Variants in CHRNA9 observed in about 807,000 individuals in gnomAD.
CHRNA9 encodes neuronal acetylcholine receptor subunit alpha-9.
CHRNA9 carries 24 observed loss-of-function variants against 36.8 expected under a neutral mutation model. That is an observed-to-expected ratio of 0.65 (90% CI 0.47 to 0.92). CHRNA9 has a LOEUF of 0.92. Ranked by LOEUF, CHRNA9 falls within the 40% of genes least tolerant of loss-of-function variation. CHRNA9 has a pLI of 0.00. For synonymous variants in CHRNA9, 231 were observed against 231.8 expected (o/e 1.00, Z 0.03); for missense variants, 610 against 601.2 (o/e 1.01, Z -0.15).
intron 4 of CHRNA9, chr4:40,349,697 A>G (rs775895395): frequency 3.5e-5 from 12 of 340,302 alleles, no homozygotes; most frequent in Admixed American, 2.1e-4. Context: ...GATGCACAGC[A>G]TCGGCATCCC....
chr4:40,341,504 G>T (rs930951951), intron 3 of CHRNA9, among the ~76,000 whole-genome samples: 4 of 152,070 alleles, frequency 2.6e-5, no homozygotes, highest in African/African-American at 7.2e-5. Context: ...GCCTCTGATT[G>T]GTTGTAGGTC....
chr4:40,348,762 A>T, intron 3 of CHRNA9, 120 bp from the exon 4 acceptor site: 1 of 921,270 alleles, frequency 1.1e-6, no homozygotes, highest in Non-Finnish European at 1.7e-6. Flanking sequence ...CCACAGTGAC[A>T]GGCAAAATGG....
chr4:40,344,479 A>C (rs1476359673), intron 3 of CHRNA9, among the ~76,000 whole-genome samples: 4 of 151,924 alleles, frequency 2.6e-5, no homozygotes. Flanking sequence ...GGTTTCAGTG[A>C]GCCAAGATGG....
At chr4:40,338,289 C>T (rs1712384725) in intron 3 of CHRNA9, 2 of 152,064 alleles carry the variant, frequency 1.3e-5, no homozygotes, top group Non-Finnish European at 2.9e-5. Context: ...TATGAATCGC[C>T]CAGGGAGTTT....
chr4:40,353,945 G>A, intron 4 of CHRNA9, 34 bp from the exon 5 acceptor site: 2 of 1,549,672 alleles, frequency 1.3e-6, no homozygotes, highest in East Asian at 2.3e-5. Flanking sequence ...CCATTTTAAA[G>A]CAAATTCAGT....
At chr4:40,352,964 G>A (rs543089694) in intron 4 of CHRNA9, among the ~76,000 whole-genome samples, 14 of 152,024 alleles carry the variant, frequency 9.2e-5, no homozygotes, top group Non-Finnish European at 1.9e-4. Flanking sequence ...TTTTAATTTC[G>A]AGCCAGGAAC....
chr4:40,338,852 G>GTCTCTC (rs372029603), intron 3 of CHRNA9, among the ~76,000 whole-genome samples: 1 of 144,412 alleles, frequency 6.9e-6, no homozygotes, highest in Non-Finnish European at 1.5e-5. Flanking sequence ...CTCTGTCTCT[G>GTCTCTC]TCTCTCTCTC....
Position 40,354,454 on chromosome 4 carries a change from C to T in CHRNA9, c.1374C>T (p.Phe458=). ...WKKVAKVIDR[F]FMWIFFIMVF... ...AGGTGGCGAAAGTCATAGACCGATT[C>T]TTCATGTGGATTTTTTTCATTATGG... is the stretch of plus-strand genomic sequence containing the variant. Residue 458 remains phenylalanine, a synonymous_variant, in exon 5 of 5, where the codon TTC becomes TTT. Coordinates refer to ENST00000310169, the MANE Select transcript of CHRNA9 (RefSeq NM_017581.4). The T allele has an allele frequency of 6.2e-7, 1 of 1,614,068 alleles. No individual in the cohort carries two copies.
At position 40,335,535 on chromosome 4, in the gene CHRNA9, A is replaced by G. The variant is rs1397188210; in HGVS notation, c.64+4A>G. ...TTTGCTGCTTCCAGACTGAGAGGTG[A>G]GAGGCTGGTGACACGTAACCTATCT... On this transcript the variant is annotated splice_donor_region_variant and intron_variant, in intron 1 of 4. Transcript: ENST00000310169. The G allele has an allele frequency of 6.2e-7, 1 of 1,608,864 alleles. No individual in the cohort carries two copies. Among genetic ancestry groups the G allele is most frequent in the Non-Finnish European group, 8.5e-7 (1 of 1,175,198 alleles).
At chr4:40,336,123 C>CT in intron 2 of CHRNA9, 151 bp downstream of exon 2, 1 of 683,782 alleles carries the variant, frequency 1.5e-6, no homozygotes, top group South Asian at 2.0e-5. Flanking sequence ...GAAAAGGAAG[C>CT]TTTCTACAAA....
chr4:40,352,963 C>T (rs190595328), intron 4 of CHRNA9, among the ~76,000 whole-genome samples: 1 of 152,106 alleles, frequency 6.6e-6, no homozygotes. Context: ...TTTTTAATTT[C>T]GAGCCAGGAA....
At chr4:40,350,721 CA>C (rs1712776397) in intron 4 of CHRNA9, among the ~76,000 whole-genome samples, 2 of 151,602 alleles carry the variant, frequency 1.3e-5, no homozygotes, top group African/African-American at 4.9e-5. Context: ...CACACACACA[CA>C]CACACCTCTC....
intron 3 of CHRNA9, chr4:40,348,035 G>C (rs1712682459): frequency 6.6e-6 from 1 of 152,246 alleles, no homozygotes; most frequent in South Asian, 2.1e-4. Context: ...CAGAACCAAG[G>C]CTGCTCTAGT....
intron 3 of CHRNA9, among the ~76,000 whole-genome samples, chr4:40,346,969 C>T (rs10016940): frequency 0.14 from 21,450 of 151,814 alleles, 1,565 homozygotes; most frequent in African/African-American, 0.16. Flanking sequence ...CGCCACCACG[C>T]CTGGCTAATT....
At chr4:40,350,722 A>ACC (rs1712776478) in intron 4 of CHRNA9, among the ~76,000 whole-genome samples, 1 of 151,362 alleles carries the variant, frequency 6.6e-6, no homozygotes, top group African/African-American at 2.4e-5. Flanking sequence ...ACACACACAC[A>ACC]CACACCTCTC....
At position 40,340,973 on chromosome 4, in the gene CHRNA9, C is replaced by CAAAA. The variant is rs543449903; in HGVS notation, c.365+3626_365+3629dup. Among the ~76,000 whole-genome samples, 197 of 64,904 alleles carry CAAAA rather than the reference C, an allele frequency of 3.0e-3. 2 individuals are homozygous for CAAAA. The highest frequency in any genetic ancestry group is 8.0e-3 in the African/African-American group (183 of 22,946). 42.6% of individuals were successfully genotyped at this position (64,904 alleles called of 152,430 possible). ...GAAGCCAAAGGGAAGATAAGCTCTC[C>CAAAA]AAAAAAAAAAAAAAAAAAAAGAACA... On this transcript the variant is annotated intron_variant, in intron 3 of 4. Transcript: ENST00000310169.
intron 4 of CHRNA9, 27 bp from the exon 5 acceptor site, chr4:40,353,952 C>G: frequency 6.4e-7 from 1 of 1,556,746 alleles, no homozygotes; most frequent in South Asian, 1.2e-5. Context: ...AAAGCAAATT[C>G]AGTTACGGTT....
chr4:40,337,314 C>G lies in CHRNA9; in HGVS notation c.315C>G (p.Ile105Met). The G allele has an allele frequency of 6.2e-7, 1 of 1,614,228 alleles. No individual in the cohort carries two copies. Among genetic ancestry groups the G allele is most frequent in the South Asian group, 1.1e-5 (1 of 91,090 alleles). ...ATCAGTACGATGGCCTAGACTCCAT[C>G]AGGATCCCCAGTGACCTCGTGTGGA... ...DRDQYDGLDS[I>M]RIPSDLVWRP... is the part of the protein sequence containing the mutation. Residue 105 changes from isoleucine (I) to methionine (M), a missense_variant, in exon 3 of 5, where the codon ATC becomes ATG. Physicochemically the swap from Ile to Met is conservative, Grantham distance 10. Transcript: ENST00000310169.
intron 3 of CHRNA9, among the ~76,000 whole-genome samples, chr4:40,339,621 G>A (rs959861059): frequency 2.1e-5 from 3 of 143,818 alleles, no homozygotes; most frequent in East Asian, 2.1e-4. Context: ...AGCCGAGATC[G>A]CGCTCCAGTC....
Sources: allele counts gnomAD v4.1 joint callset (sites outside exome capture counted in the v4.1 genomes callset), GRCh38; gene constraint gnomAD v4.1.1; transcripts MANE v1.5; gene names NCBI Gene and HGNC (gene_info 2026-07-23, HGNC 2026-07-21).